SLC8A1: variants seen among roughly 807,000 people sequenced by gnomAD.
SLC8A1 encodes solute carrier family 8 member A1.
SLC8A1 carries 18 observed loss-of-function variants against 68.3 expected under a neutral mutation model. The ratio of observed to expected loss-of-function variants is 0.26; its 90% CI spans 0.18 to 0.39. SLC8A1 has a LOEUF of 0.39. Among genes scored for constraint, SLC8A1 ranks in the 10% least tolerant of loss-of-function variants. The pLI is 1.00. For missense variants in SLC8A1, 985 were observed against 1,156.7 expected, an observed-to-expected ratio of 0.85 and a Z score of 2.15; for synonymous variants, 475 against 415.5, an observed-to-expected ratio of 1.14 and a Z score of -1.74.
At chr2:40,462,027 G>C (rs1423838125) in intron 1 of SLC8A1, among the ~76,000 whole-genome samples, 1 of 33,306 alleles carries the variant, frequency 3.0e-5, no homozygotes, top group African/African-American at 1.4e-4. Context: ...TTTTTTTTGA[G>C]GTGGAGTCTC....
intron 2 of SLC8A1, among the ~76,000 whole-genome samples, chr2:40,351,091 A>T (rs974232575): frequency 6.6e-6 from 1 of 152,172 alleles, no homozygotes; most frequent in African/African-American, 2.4e-5. Context: ...GTAAAGCATT[A>T]TAAGTGGATT....
intron 2 of SLC8A1, among the ~76,000 whole-genome samples, chr2:40,406,880 C>T (rs777393691): frequency 1.3e-5 from 2 of 152,168 alleles, no homozygotes; most frequent in South Asian, 2.1e-4. Flanking sequence ...CCCCTATCTA[C>T]GTCACATGCA....
intron 6 of SLC8A1, among the ~76,000 whole-genome samples, chr2:40,150,997 CTCTG>C (rs1012437436): frequency 1.1e-4 from 17 of 152,282 alleles, no homozygotes; most frequent in South Asian, 8.3e-4. Flanking sequence ...CTGGAACTTA[CTCTG>C]TCTTTCTTCT....
At chr2:40,382,117 C>T (rs1440336498) in intron 2 of SLC8A1, among the ~76,000 whole-genome samples, 1 of 152,106 alleles carries the variant, frequency 6.6e-6, no homozygotes, top group Non-Finnish European at 1.5e-5. Context: ...CATTTCTCTA[C>T]TGTAGCACTA....
In SLC8A1 at chr2:40,392,682, T is replaced by C. The variant is rs1002368557; in HGVS notation, c.1808+35791A>G. Among the ~76,000 whole-genome samples, 4 of 152,232 alleles carry C rather than the reference T, an allele frequency of 2.6e-5. 1 individual carries two copies. Among genetic ancestry groups the C allele is most frequent in the Non-Finnish European group, 2.9e-5 (2 of 68,002 alleles). On this transcript the variant is annotated intron_variant, in intron 2 of 7. Coordinates refer to ENST00000406785, the Ensembl canonical transcript of SLC8A1. ...GTATTCCTTGATATAACCTTTAAAT[T>C]GCCTTCTTCACATTCCCTCTTGTTT...
At chr2:40,274,740 T>C (rs1299022800) in intron 2 of SLC8A1, among the ~76,000 whole-genome samples, 4 of 152,250 alleles carry the variant, frequency 2.6e-5, no homozygotes, top group South Asian at 2.1e-4. Context: ...CAAGAAGTTA[T>C]ATATCTCCCC....
chr2:40,232,853 G>T (rs1391783271), intron 2 of SLC8A1, among the ~76,000 whole-genome samples: 2 of 143,616 alleles, frequency 1.4e-5, no homozygotes, highest in Non-Finnish European at 3.0e-5. Flanking sequence ...GCGGTGTTTG[G>T]TTTTTTGTTC....
intron 2 of SLC8A1, among the ~76,000 whole-genome samples, chr2:40,182,494 AAAAG>A (rs1558653213): frequency 6.6e-6 from 1 of 151,970 alleles, no homozygotes; most frequent in African/African-American, 2.4e-5. Context: ...AAAAAAAAGA[AAAAG>A]AAAAAAACAT....
At chr2:40,313,528 T>C (rs557262906) in intron 2 of SLC8A1, among the ~76,000 whole-genome samples, 15 of 152,178 alleles carry the variant, frequency 9.9e-5, no homozygotes, top group African/African-American at 3.4e-4. Flanking sequence ...AGCAGTGTAG[T>C]TGAGTTTGGG....
intron 2 of SLC8A1, among the ~76,000 whole-genome samples, chr2:40,297,943 G>A (rs1034910843): frequency 1.3e-5 from 2 of 152,126 alleles, no homozygotes; most frequent in African/African-American, 2.4e-5. Context: ...GCAGTGGTGC[G>A]ATCTCGGCTC....
intron 4 of SLC8A1, among the ~76,000 whole-genome samples, chr2:40,171,613 TAAGCTAGAGGAGAGGAA>T (rs2047507246): frequency 6.6e-6 from 1 of 152,146 alleles, no homozygotes; most frequent in African/African-American, 2.4e-5. Flanking sequence ...CAGGTAGAAA[TAAGCTAGAGGAGAGGAA>T]ACAGGACAGT....
intron 2 of SLC8A1, among the ~76,000 whole-genome samples, chr2:40,217,259 T>G (rs965672958): frequency 6.6e-6 from 1 of 152,202 alleles, no homozygotes; most frequent in African/African-American, 2.4e-5. Flanking sequence ...ATTTCCCCAT[T>G]GCTTGTTTCT....
intron 2 of SLC8A1, among the ~76,000 whole-genome samples, chr2:40,217,322 G>A (rs1214832361): frequency 1.3e-5 from 2 of 152,128 alleles, no homozygotes; most frequent in South Asian, 2.1e-4. Context: ...TATTTCTGAG[G>A]TCTCTGTTTT....
At chr2:40,199,554 A>T (rs2053738622) in intron 2 of SLC8A1, among the ~76,000 whole-genome samples, 4 of 151,586 alleles carry the variant, frequency 2.6e-5, no homozygotes, top group Admixed American at 2.6e-4. Context: ...AAGGCTTTAA[A>T]AATTACACAG....
exon 8 of SLC8A1, chr2:40,111,149 C>G (rs1466170931): frequency 6.6e-6 from 1 of 152,090 alleles, no homozygotes; most frequent in East Asian, 1.9e-4. Context: ...AGGCTATGAA[C>G]TACAAAAAGC....
chr2:40,165,161 A>G (rs2046337234), intron 4 of SLC8A1, among the ~76,000 whole-genome samples, 177 bp from the exon 8 acceptor site: 1 of 152,222 alleles, frequency 6.6e-6, no homozygotes, highest in Non-Finnish European at 1.5e-5. Context: ...GTAAGGCAGC[A>G]TATCACTGTG....
intron 2 of SLC8A1, among the ~76,000 whole-genome samples, chr2:40,398,354 C>A (rs1273059294): frequency 2.0e-5 from 3 of 152,136 alleles, no homozygotes; most frequent in Non-Finnish European, 4.4e-5. Flanking sequence ...TAGATCCACT[C>A]CTCACCATAT....
chr2:40,298,678 G>T lies in SLC8A1; in HGVS notation c.1809-120823C>A, dbSNP rs185629708. On this transcript the variant is annotated intron_variant, in intron 2 of 7. Coordinates refer to ENST00000406785, the Ensembl canonical transcript of SLC8A1. ...GTTTTAACACTATGTTCAAGTTTTC[G>T]CTAACTTGTAAAATGGTAACATACG... Among the ~76,000 whole-genome samples the T allele has an allele frequency of 2.4e-3, 361 of 152,108 alleles. 4 individuals carry two copies. Among genetic ancestry groups the T allele is most frequent in the Non-Finnish European group, 5.9e-4 (40 of 68,004 alleles).
At chr2:40,250,798 T>TTG (rs1289262882) in intron 2 of SLC8A1, among the ~76,000 whole-genome samples, 1 of 152,184 alleles carries the variant, frequency 6.6e-6, no homozygotes, top group Non-Finnish European at 1.5e-5. Flanking sequence ...AATGGGATGT[T>TTG]TTCCCAGTGT....
Sources: gnomAD v4.1 joint callset for allele counts (sites outside exome capture counted in the v4.1 genomes callset) on GRCh38, gnomAD v4.1.1 for gene constraint, MANE v1.5 for transcripts, NCBI Gene and HGNC (gene_info 2026-07-23, HGNC 2026-07-21) for gene names.